Variants in VAT1L observed in about 807,000 individuals in gnomAD.
The protein encoded by VAT1L is vesicle amine transport 1 like.
In VAT1L, 34 loss-of-function variants were observed where a neutral mutation model predicts 44.1. That is an observed-to-expected ratio of 0.77 (90% CI 0.59 to 1.03). The LOEUF (loss-of-function observed/expected upper bound fraction) is 1.03. VAT1L is among the 50% of genes least tolerant of loss of function. VAT1L has a pLI of 0.00. For synonymous variants in VAT1L, 253 were observed against 202.2 expected, an observed-to-expected ratio of 1.25 and a Z score of -2.13; for missense variants, 615 against 538.8, an observed-to-expected ratio of 1.14 and a Z score of -1.40.
chr16:77,901,514 C>T (rs892792884), intron 7 of VAT1L, among the ~76,000 whole-genome samples: 2 of 152,106 alleles, frequency 1.3e-5, no homozygotes, highest in African/African-American at 4.8e-5. Context: ...TGCTTTTCCT[C>T]CGTTAGTCAC....
chr16:77,950,424 AC>A (rs2018028800), intron 7 of VAT1L, among the ~76,000 whole-genome samples: 1 of 60,228 alleles, frequency 1.7e-5, no homozygotes, highest in South Asian at 8.2e-4. Context: ...ACACACACAC[AC>A]ACACACACAC....
chr16:77,835,876 GA>G (rs112120070), intron 3 of VAT1L, among the ~76,000 whole-genome samples: 294 of 135,822 alleles, frequency 2.2e-3, no homozygotes, highest in East Asian at 0.013. Flanking sequence ...TCTGTCTCAA[GA>G]AAAAAAAAAA....
At chr16:77,903,980 C>T (rs992294741) in intron 7 of VAT1L, among the ~76,000 whole-genome samples, 8 of 152,016 alleles carry the variant, frequency 5.3e-5, no homozygotes, top group Non-Finnish European at 8.8e-5. Flanking sequence ...TTGTGATCCG[C>T]TCGCCTCAGC....
At chr16:77,940,171 G>C (rs1428563757) in intron 7 of VAT1L, among the ~76,000 whole-genome samples, 1 of 152,118 alleles carries the variant, frequency 6.6e-6, no homozygotes, top group East Asian at 1.9e-4. Context: ...GCAAATCTTA[G>C]GGGTGGGGAA....
chr16:77,937,755 G>A (rs1329301606), intron 7 of VAT1L, among the ~76,000 whole-genome samples: 2 of 152,210 alleles, frequency 1.3e-5, no homozygotes, highest in Non-Finnish European at 2.9e-5. Flanking sequence ...CAGACCGGGA[G>A]AAGGACCTCC....
intron 3 of VAT1L, among the ~76,000 whole-genome samples, chr16:77,840,164 A>G (rs918310547): frequency 6.6e-6 from 1 of 152,198 alleles, no homozygotes; most frequent in African/African-American, 2.4e-5. Flanking sequence ...GATTATGCCA[A>G]TATCATGCCC....
At chr16:77,908,541 G>C (rs956009707) in intron 7 of VAT1L, among the ~76,000 whole-genome samples, 2 of 145,660 alleles carry the variant, frequency 1.4e-5, no homozygotes, top group East Asian at 4.3e-4. Flanking sequence ...TTGGAGTTCA[G>C]AAAAAGCCAA....
chr16:77,922,890 G>C (rs76525606), intron 7 of VAT1L, among the ~76,000 whole-genome samples: 4 of 152,138 alleles, frequency 2.6e-5, no homozygotes, highest in African/African-American at 9.7e-5. Flanking sequence ...AACCACCTGA[G>C]TTGGAATTCC....
intron 6 of VAT1L, among the ~76,000 whole-genome samples, chr16:77,883,185 T>A (rs1222709527): frequency 6.6e-6 from 1 of 152,226 alleles, no homozygotes. Context: ...CTATCAATGT[T>A]TCTAAATGCC....
chr16:77,916,125 G>T (rs1261925168), intron 7 of VAT1L, among the ~76,000 whole-genome samples: 1 of 152,168 alleles, frequency 6.6e-6, no homozygotes, highest in African/African-American at 2.4e-5. Context: ...CGAAGAAATG[G>T]GGGTAGTAGC....
chr16:77,976,290 T>C (rs1168726999), intron 8 of VAT1L, among the ~76,000 whole-genome samples: 1 of 152,166 alleles, frequency 6.6e-6, no homozygotes, highest in African/African-American at 2.4e-5. Context: ...ATTTGGGCCA[T>C]GAAAGCTCAT....
intron 7 of VAT1L, among the ~76,000 whole-genome samples, chr16:77,966,401 G>C (rs1312121870): frequency 6.6e-6 from 1 of 152,152 alleles, no homozygotes; most frequent in East Asian, 1.9e-4. Flanking sequence ...ACAACAGCAA[G>C]ACAAATCCAA....
At chr16:77,967,663 G>T (rs1020710010) in intron 7 of VAT1L, among the ~76,000 whole-genome samples, 1 of 152,178 alleles carries the variant, frequency 6.6e-6, no homozygotes, top group Non-Finnish European at 1.5e-5. Context: ...AGCCCTGCAG[G>T]GAGCTTTTTC....
At chr16:77,923,361 A>G (rs960825537) in intron 7 of VAT1L, among the ~76,000 whole-genome samples, 1 of 152,096 alleles carries the variant, frequency 6.6e-6, no homozygotes, top group Non-Finnish European at 1.5e-5. Context: ...GAGGCAGGAG[A>G]ATAGCTTGAA....
At chr16:77,893,630 G>A (rs541031170) in intron 7 of VAT1L, among the ~76,000 whole-genome samples, 3 of 152,280 alleles carry the variant, frequency 2.0e-5, no homozygotes, top group African/African-American at 4.8e-5. Flanking sequence ...TAGAGGATTC[G>A]CTAAGTACTA....
chr16:77,926,686 G>A (rs1051542832), intron 7 of VAT1L, among the ~76,000 whole-genome samples: 11 of 152,264 alleles, frequency 7.2e-5, no homozygotes, highest in Admixed American at 5.9e-4. Context: ...TAAAAACTAA[G>A]GTTGACTTCA....
At position 77,946,279 on chromosome 16, in the gene VAT1L, C is replaced by CTTTTTTTTTTTTTTTTTTTTTT. The variant is rs66461822; in HGVS notation, c.1078-25570_1078-25549dup. On this transcript the variant is annotated intron_variant, in intron 7 of 8. Transcript: ENST00000302536. Reference sequence around the variant, plus strand: ...GTTCTGGACATCTAGGTTACTTGTTCTTTTTTTTTTTTTTTTTTTTTTGAG... The same window carrying CTTTTTTTTTTTTTTTTTTTTTT: ...GTTCTGGACATCTAGGTTACTTGTTCTTTTTTTTTTTTTTTTTTTTTTTTTTTTTTTTTTTTTTTTTTTTGAG... Among the ~76,000 whole-genome samples, 189 of 70,416 alleles carry CTTTTTTTTTTTTTTTTTTTTTT rather than the reference C, an allele frequency of 2.7e-3. 67 individuals carry two copies. The highest frequency in any genetic ancestry group is 3.7e-3 in the Non-Finnish European group (146 of 39,604). The allele number at this position is 70,416 out of a possible 152,430, so 46.2% of individuals were successfully genotyped here.
At chr16:77,964,761 C>T (rs1457525148) in intron 7 of VAT1L, among the ~76,000 whole-genome samples, 1 of 145,552 alleles carries the variant, frequency 6.9e-6, no homozygotes, top group Non-Finnish European at 1.5e-5. Flanking sequence ...TGGAACACTG[C>T]TCACGCCCTT....
rs1435051005 is a variant in VAT1L at position 77,979,032 on chromosome 16, T to C, written c.*1337T>C. ...CCCCAACTTTGTGTTCTGAAAAACA[T>C]CAGAGGGATTTTACATTGCCCAGTT... On this transcript the variant is annotated 3_prime_UTR_variant, in exon 9 of 9. Coordinates refer to ENST00000302536, the MANE Select transcript of VAT1L (RefSeq NM_020927.3). The C allele has an allele frequency of 1.3e-5, 2 of 152,276 alleles. No individual in the cohort carries two copies. The highest frequency in any genetic ancestry group is 4.8e-5 in the African/African-American group (2 of 41,452). 9.4% of individuals were successfully genotyped at this position (152,276 alleles called of 1,614,324 possible). A position where few individuals can be genotyped will look rare whatever the true frequency, so the allele number is the denominator to read the frequency against.
Sources: allele counts gnomAD v4.1 joint callset (sites outside exome capture counted in the v4.1 genomes callset), GRCh38; gene constraint gnomAD v4.1.1; transcripts MANE v1.5; gene names NCBI Gene and HGNC (gene_info 2026-07-23, HGNC 2026-07-21).